LINGO2: variants seen among roughly 807,000 people sequenced by gnomAD.
The protein encoded by LINGO2 is leucine-rich repeat and immunoglobulin-like domain-containing nogo receptor-interacting protein 2.
In LINGO2, 14 loss-of-function variants were observed where a neutral mutation model predicts 30.6. That is an observed-to-expected ratio of 0.46 (90% CI 0.30 to 0.72). LINGO2 has a LOEUF of 0.72. Ranked by LOEUF, LINGO2 falls within the 30% of genes least tolerant of loss-of-function variation. The pLI, the probability that LINGO2 is intolerant of heterozygous loss-of-function variation, is 0.07. For missense variants in LINGO2, 729 were observed against 751.7 expected (o/e 0.97, Z 0.35); for synonymous variants, 317 against 288.5 (o/e 1.10, Z -1.00).
intron 4 of LINGO2, among the ~76,000 whole-genome samples, chr9:28,169,724 C>T (rs1360665981): frequency 2.0e-5 from 3 of 151,980 alleles, no homozygotes. Context: ...AGCATGGGAG[C>T]CAGAATTGAG....
At chr9:28,874,434 C>T in the LINGO2 span, among the ~76,000 whole-genome samples, 10 of 151,992 alleles carry the variant, frequency 6.6e-5, no homozygotes, top group Admixed American at 1.3e-4. Context: ...TGTTAACTAT[C>T]GAGCACTGTT....
the LINGO2 span, among the ~76,000 whole-genome samples, chr9:28,949,106 C>T: frequency 3.3e-5 from 5 of 152,018 alleles, no homozygotes; most frequent in Non-Finnish European, 7.4e-5. Context: ...AAACCTAAAG[C>T]AGTGTTTAGA....
At chr9:28,477,976 T>C (rs1202052095) in intron 1 of LINGO2, among the ~76,000 whole-genome samples, 1 of 152,108 alleles carries the variant, frequency 6.6e-6, no homozygotes, top group African/African-American at 2.4e-5. Flanking sequence ...ACTAAGGACT[T>C]TGGGAATCAA....
chr9:28,816,756 C>G, the LINGO2 span, among the ~76,000 whole-genome samples: 1 of 152,106 alleles, frequency 6.6e-6, no homozygotes, highest in Non-Finnish European at 1.5e-5. Context: ...GTAAAATGAA[C>G]TAGATATCTG....
chr9:29,144,529 C>T, the LINGO2 span, among the ~76,000 whole-genome samples: 1 of 151,998 alleles, frequency 6.6e-6, no homozygotes, highest in Non-Finnish European at 1.5e-5. Context: ...GCTTGAGAAC[C>T]AGTTGAGTAA....
At chr9:28,069,884 T>A (rs1825421904) in intron 4 of LINGO2, among the ~76,000 whole-genome samples, 1 of 152,182 alleles carries the variant, frequency 6.6e-6, no homozygotes, top group East Asian at 1.9e-4. Flanking sequence ...CAAATAGCCA[T>A]GTGGAAAGTG....
At chr9:28,584,193 T>C (rs1246304517) in intron 1 of LINGO2, among the ~76,000 whole-genome samples, 3 of 152,054 alleles carry the variant, frequency 2.0e-5, no homozygotes, top group Admixed American at 6.6e-5. Context: ...TGAAGTAATT[T>C]TGATAAACTT....
the LINGO2 span, among the ~76,000 whole-genome samples, chr9:29,103,545 A>T: frequency 6.6e-6 from 1 of 151,960 alleles, no homozygotes; most frequent in Non-Finnish European, 1.5e-5. Flanking sequence ...TTTCTTTTTT[A>T]AAATGTATAT....
At chr9:28,878,790 C>A in the LINGO2 span, among the ~76,000 whole-genome samples, 83 of 152,216 alleles carry the variant, frequency 5.5e-4, 2 homozygotes, top group Admixed American at 2.5e-3. Context: ...TTTCAACAAC[C>A]CTTCATGCTA....
At chr9:28,277,850 C>T (rs202215356) in intron 4 of LINGO2, among the ~76,000 whole-genome samples, 1 of 135,974 alleles carries the variant, frequency 7.4e-6, no homozygotes, top group Admixed American at 7.3e-5. Context: ...AAAAAAAAAA[C>T]AAAAAAAAAA....
At chr9:29,038,698 A>T in the LINGO2 span, among the ~76,000 whole-genome samples, 1 of 151,892 alleles carries the variant, frequency 6.6e-6, no homozygotes, top group African/African-American at 2.4e-5. Flanking sequence ...AAAACATGAA[A>T]AAAGTTTTAT....
chr9:28,792,066 T>C, the LINGO2 span, among the ~76,000 whole-genome samples: 51 of 151,586 alleles, frequency 3.4e-4, no homozygotes, highest in African/African-American at 1.2e-3. Flanking sequence ...TATATATGTA[T>C]GTATGTATAT....
the LINGO2 span, among the ~76,000 whole-genome samples, chr9:28,817,931 T>A: frequency 1.8e-4 from 27 of 152,318 alleles, no homozygotes; most frequent in Middle Eastern, 3.4e-3. Flanking sequence ...ATTTCTCTTT[T>A]AACAGGTTTC....
chr9:28,595,195 T>A (rs1304384775), intron 1 of LINGO2, among the ~76,000 whole-genome samples: 1 of 152,082 alleles, frequency 6.6e-6, no homozygotes, highest in Non-Finnish European at 1.5e-5. Context: ...GATATAAAAA[T>A]AGCACATAAT....
At chr9:28,091,000 C>A (rs1385685870) in intron 4 of LINGO2, among the ~76,000 whole-genome samples, 1 of 152,148 alleles carries the variant, frequency 6.6e-6, no homozygotes, top group Non-Finnish European at 1.5e-5. Flanking sequence ...AGGAATCCAA[C>A]TTACAAGGGA....
At chr9:28,586,985 T>C (rs2135683384) in intron 1 of LINGO2, among the ~76,000 whole-genome samples, 1 of 152,214 alleles carries the variant, frequency 6.6e-6, no homozygotes, top group South Asian at 2.1e-4. Flanking sequence ...TTAACCTGTT[T>C]CTTCTCTAAC....
the LINGO2 span, among the ~76,000 whole-genome samples, chr9:29,138,325 C>T: frequency 7.1e-6 from 1 of 140,978 alleles, no homozygotes. Flanking sequence ...TCCCAGACCA[C>T]CGGCCAGAAA....
At chr9:28,979,458 A>T in the LINGO2 span, among the ~76,000 whole-genome samples, 1 of 151,818 alleles carries the variant, frequency 6.6e-6, no homozygotes, top group African/African-American at 2.4e-5. Context: ...ATGTCCAAAT[A>T]TATCACATAT....
intron 4 of LINGO2, among the ~76,000 whole-genome samples, chr9:28,274,384 G>A (rs947933271): frequency 5.3e-5 from 8 of 152,054 alleles, no homozygotes; most frequent in African/African-American, 1.9e-4. Flanking sequence ...TAATGTTTGG[G>A]TTAAACTGAC....
Sources: allele counts gnomAD v4.1 joint callset (sites outside exome capture counted in the v4.1 genomes callset), GRCh38; gene constraint gnomAD v4.1.1; transcripts MANE v1.5; gene names NCBI Gene and HGNC (gene_info 2026-07-23, HGNC 2026-07-21).